Variants in PRKN observed in about 807,000 individuals in gnomAD.
PRKN encodes the protein E3 ubiquitin-protein ligase parkin.
PRKN carries 56 observed loss-of-function variants against 59.5 expected under a neutral mutation model. The observed-to-expected ratio is 0.94, with a 90% CI of 0.76 to 1.18. The LOEUF (loss-of-function observed/expected upper bound fraction) is 1.18. PRKN is among the 50% of genes most tolerant of loss of function. The pLI is 0.00. For missense variants in PRKN, 657 were observed against 596.4 expected (o/e 1.10, Z -1.06); for synonymous variants, 250 against 222.1 (o/e 1.13, Z -1.12).
rs1286394196 is a variant in PRKN, at chr6:161,488,007, C to G, written c.1083+60847G>C. Among the ~76,000 whole-genome samples, 1 of 152,166 alleles carries G rather than the reference C, an allele frequency of 6.6e-6. No individual in the cohort carries two copies. ...AAATGGGGTGGAGAGAGGGGAAAGG[C>G]AGAAAATAAGCAAGGCAATTGAATA... is the stretch of plus-strand genomic sequence containing the variant. On this transcript the variant is annotated intron_variant, in intron 9 of 11. Coordinates refer to ENST00000366898, the MANE Select transcript of PRKN (RefSeq NM_004562.3). The surrounding 1 kb of genome is among the most constrained non-coding windows in gnomAD (Gnocchi z 4.5).
chr6:162,269,358 C>A (rs1780274531), intron 2 of PRKN, among the ~76,000 whole-genome samples: 1 of 152,154 alleles, frequency 6.6e-6, no homozygotes, highest in South Asian at 2.1e-4. Flanking sequence ...AAGCACATAC[C>A]TAGAAGTGAG....
chr6:161,778,727 C>G (rs1256332917), intron 7 of PRKN, among the ~76,000 whole-genome samples: 1 of 152,084 alleles, frequency 6.6e-6, no homozygotes, highest in African/African-American at 2.4e-5. Flanking sequence ...GAGAAACATT[C>G]CACAGCACCA....
intron 1 of PRKN, among the ~76,000 whole-genome samples, chr6:162,612,548 G>T (rs1159313735): frequency 2.7e-5 from 4 of 146,690 alleles, no homozygotes; most frequent in African/African-American, 1.0e-4. Flanking sequence ...AGTGAGCCGA[G>T]ATCGCGCCAT....
intron 7 of PRKN, among the ~76,000 whole-genome samples, chr6:161,785,041 G>A (rs1790358836): frequency 6.6e-6 from 1 of 152,142 alleles, no homozygotes; most frequent in Non-Finnish European, 1.5e-5. Context: ...TCTTTTATAG[G>A]AAATACCTAC....
chr6:161,662,204 C>A (rs6912798), intron 7 of PRKN, among the ~76,000 whole-genome samples: 110,340 of 151,944 alleles, frequency 0.73, 40,618 homozygotes, highest in Non-Finnish European at 0.78. Flanking sequence ...AAAAAGTGCA[C>A]GTAGAGGGGG....
chr6:162,409,346 G>A (rs1471082694), intron 2 of PRKN, among the ~76,000 whole-genome samples: 1 of 151,238 alleles, frequency 6.6e-6, no homozygotes, highest in Non-Finnish European at 1.5e-5. Flanking sequence ...TTTTTGAGAG[G>A]GGGTCTCACT....
intron 9 of PRKN, among the ~76,000 whole-genome samples, chr6:161,535,318 T>TA (rs1779372212): frequency 6.6e-6 from 1 of 152,010 alleles, no homozygotes; most frequent in Non-Finnish European, 1.5e-5. Flanking sequence ...TATATATTGT[T>TA]ACAAAAAAAG....
intron 6 of PRKN, among the ~76,000 whole-genome samples, chr6:161,895,385 G>A (rs984748245): frequency 6.6e-5 from 10 of 152,192 alleles, no homozygotes; most frequent in Non-Finnish European, 1.3e-4. Flanking sequence ...GGACTTGCTT[G>A]CACCCTGAAG....
intron 1 of PRKN, among the ~76,000 whole-genome samples, chr6:162,696,282 G>A (rs577720426): frequency 3.3e-5 from 5 of 152,150 alleles, no homozygotes; most frequent in African/African-American, 1.2e-4. Context: ...TGTTCAATTC[G>A]AAATCCTAAG....
At chr6:162,569,222 C>A in intron 1 of PRKN, 1 of 568,894 alleles carries the variant, frequency 1.8e-6, no homozygotes. Context: ...GAACATCAGC[C>A]AGCCCCAGGC....
Position 161,545,441 on chromosome 6 carries a change from T to A in PRKN, c.1083+3413A>T. ...ATTTTGTTCTTCGTTGTCCATACTG[T>A]GAGAGCAAAGAGTAAAAAGAGATTC... On this transcript the variant is annotated intron_variant, in intron 9 of 11. Transcript: ENST00000366898. The surrounding 1 kb of genome is among the most constrained non-coding windows in gnomAD (Gnocchi z 4.1). The A allele has an allele frequency of 3.7e-6, 6 of 1,602,078 alleles. No individual in the cohort carries two copies. The South Asian group carries it at 6.6e-5, about 18-fold the overall frequency.
chr6:162,253,770 A>G (rs1779531248), intron 3 of PRKN, among the ~76,000 whole-genome samples: 1 of 152,006 alleles, frequency 6.6e-6, no homozygotes, highest in South Asian at 2.1e-4. Context: ...TTATTAAAAA[A>G]GAGGCAACTT....
At position 162,409,576 on chromosome 6, in the gene PRKN, C is replaced by T. The variant is rs80094660; in HGVS notation, c.171+33734G>A. The stretch of plus-strand genomic sequence containing the variant: ...TAGATCAAACATGATAGAATATTAG[C>T]AAATAGAATCATGAGATTGAACATA... On this transcript the variant is annotated intron_variant, in intron 2 of 11. Coordinates refer to ENST00000366898, the MANE Select transcript of PRKN (RefSeq NM_004562.3). Among the ~76,000 whole-genome samples the T allele has an allele frequency of 2.0e-3, 307 of 152,194 alleles. 1 individual carries two copies. Among genetic ancestry groups the T allele is most frequent in the African/African-American group, 7.1e-3 (294 of 41,528 alleles).
chr6:162,586,288 T>C (rs1188842121), intron 1 of PRKN, among the ~76,000 whole-genome samples: 1 of 152,214 alleles, frequency 6.6e-6, no homozygotes, highest in Admixed American at 6.5e-5. Flanking sequence ...AGTATCTAGA[T>C]TTGATAATAT....
intron 6 of PRKN, among the ~76,000 whole-genome samples, chr6:161,894,931 T>C (rs981876271): frequency 2.0e-5 from 3 of 152,228 alleles, no homozygotes; most frequent in African/African-American, 7.2e-5. Flanking sequence ...ATGCTTAAGA[T>C]GGAAAATTTG....
At position 161,798,697 on chromosome 6, in the gene PRKN, G is replaced by A. The variant is rs1790953709; in HGVS notation, c.735-12789C>T. Among the ~76,000 whole-genome samples the A allele has an allele frequency of 3.9e-5, 6 of 152,272 alleles. No homozygotes were observed. In the South Asian group the frequency reaches 1.2e-3, roughly 32 times the overall value. ...GAGATCTTGATCCAGAGTATTCCAG[G>A]AAGATCAGAAAAGATGTTTTGGTGT... On this transcript the variant is annotated intron_variant, in intron 6 of 11. Transcript: ENST00000366898.
chr6:161,600,151 T>C (rs1214556909), intron 7 of PRKN, among the ~76,000 whole-genome samples: 1 of 152,232 alleles, frequency 6.6e-6, no homozygotes, highest in Non-Finnish European at 1.5e-5. Context: ...AATAGCCTAA[T>C]TTTTATTCCT....
chr6:161,538,849 G>A lies in PRKN; in HGVS notation c.1083+10005C>T, dbSNP rs1018074984. Among the ~76,000 whole-genome samples the A allele has an allele frequency of 2.0e-5, 3 of 152,190 alleles. No homozygotes were observed. Among genetic ancestry groups the A allele is most frequent in the African/African-American group, 7.2e-5 (3 of 41,430 alleles). On this transcript the variant is annotated intron_variant, in intron 9 of 11. Transcript: ENST00000366898. This position sits in a 1 kb window ranked among gnomAD's most constrained non-coding sequence, Gnocchi z 4.2. ...CCAGTGGAATGTTGGACAAGCGAGA[G>A]AAATGCCTGTCACTCTAGTCCTGAG...
rs77537797 is a variant in PRKN at position 161,483,224 on chromosome 6, C to A, written c.1083+65630G>T. 6.6e-6 allele frequency among the ~76,000 whole-genome samples: 1 copy of A among 150,994 alleles called. No individual in the cohort carries two copies. Among genetic ancestry groups the A allele is most frequent in the African/African-American group, 2.4e-5 (1 of 41,140 alleles). On this transcript the variant is annotated intron_variant, in intron 9 of 11. Coordinates refer to ENST00000366898, the MANE Select transcript of PRKN (RefSeq NM_004562.3). The surrounding 1 kb of genome is among the most constrained non-coding windows in gnomAD (Gnocchi z 5.0). ...TGTTAATGAGACTTCGCCAGAGATG[C>A]TTAGAGTTAGGTGAAATAGAGATAA...
Sources: allele counts gnomAD v4.1 joint callset (sites outside exome capture counted in the v4.1 genomes callset), GRCh38; gene constraint gnomAD v4.1.1; non-coding constraint Gnocchi (gnomAD v3.1); transcripts MANE v1.5; gene names NCBI Gene and HGNC (gene_info 2026-07-23, HGNC 2026-07-21).